NOL4: variants seen among roughly 807,000 people sequenced by gnomAD.
The protein encoded by NOL4 is nucleolar protein 4.
In NOL4, 17 loss-of-function variants were observed where a neutral mutation model predicts 75.9. That is an observed-to-expected ratio of 0.22 (90% CI 0.15 to 0.34). The LOEUF (loss-of-function observed/expected upper bound fraction) is 0.34, where lower values mean the gene tolerates loss of function less well. Ranked by LOEUF, NOL4 falls within the 10% of genes least tolerant of loss-of-function variation. The probability of loss-of-function intolerance (pLI) is 1.00; values close to 1 mark genes in which losing one functional copy is unlikely to be tolerated. For synonymous variants in NOL4, 292 were observed against 289.9 expected (o/e 1.01, Z -0.07); for missense variants, 614 against 793.5 (o/e 0.77, Z 2.72).
At chr18:33,913,830 G>C (rs1021565937) in intron 9 of NOL4, among the ~76,000 whole-genome samples, 1 of 152,078 alleles carries the variant, frequency 6.6e-6, no homozygotes, top group Non-Finnish European at 1.5e-5. Flanking sequence ...TGTGAAAAAA[G>C]CAGGTTCCTG....
chr18:34,036,539 A>G (rs140129818), intron 5 of NOL4, among the ~76,000 whole-genome samples: 19 of 152,298 alleles, frequency 1.2e-4, no homozygotes, highest in Admixed American at 6.5e-4. Flanking sequence ...TTTCCTTAAG[A>G]TATGAAACAA....
chr18:34,059,806 G>T (rs2076996021), intron 5 of NOL4, among the ~76,000 whole-genome samples: 1 of 152,136 alleles, frequency 6.6e-6, no homozygotes, highest in Non-Finnish European at 1.5e-5. Context: ...ACTATCTGCT[G>T]GAGAAACCAT....
chr18:33,994,427 T>A (rs2073135078), intron 6 of NOL4, among the ~76,000 whole-genome samples: 1 of 152,044 alleles, frequency 6.6e-6, no homozygotes, highest in Non-Finnish European at 1.5e-5. Flanking sequence ...CCAATCTTCA[T>A]GAATGCAAAT....
chr18:34,204,206 T>C (rs1440620173), intron 1 of NOL4, among the ~76,000 whole-genome samples: 1 of 152,092 alleles, frequency 6.6e-6, no homozygotes, highest in Non-Finnish European at 1.5e-5. Flanking sequence ...TTATTATGTG[T>C]AGTCTCTGCA....
At chr18:34,095,317 CAT>C (rs1254891860) in intron 4 of NOL4, among the ~76,000 whole-genome samples, 1 of 149,638 alleles carries the variant, frequency 6.7e-6, no homozygotes, top group East Asian at 2.0e-4. Context: ...TGTGGACTGA[CAT>C]TATCAGTGAT....
At chr18:34,012,672 A>G (rs941607942) in intron 6 of NOL4, among the ~76,000 whole-genome samples, 18 of 151,982 alleles carry the variant, frequency 1.2e-4, no homozygotes, top group Admixed American at 3.3e-4. Context: ...AAAGCAATAA[A>G]AGGATACTTT....
chr18:33,996,481 A>G (rs1308130562), intron 6 of NOL4, among the ~76,000 whole-genome samples: 1 of 151,838 alleles, frequency 6.6e-6, no homozygotes, highest in African/African-American at 2.4e-5. Context: ...ACAAAGGCAT[A>G]TTGCATGATG....
intron 1 of NOL4, among the ~76,000 whole-genome samples, chr18:34,165,334 T>C (rs2032195272): frequency 6.6e-6 from 1 of 152,112 alleles, no homozygotes; most frequent in Non-Finnish European, 1.5e-5. Flanking sequence ...TGGGAAATGA[T>C]CAGAACACCC....
chr18:33,930,596 A>G (rs1183122512), intron 9 of NOL4, among the ~76,000 whole-genome samples: 1 of 152,164 alleles, frequency 6.6e-6, no homozygotes, highest in Non-Finnish European at 1.5e-5. Flanking sequence ...CACTGAAACC[A>G]AAGAGCAAGT....
chr18:34,055,295 T>C (rs1389278986), intron 5 of NOL4, among the ~76,000 whole-genome samples: 1 of 152,132 alleles, frequency 6.6e-6, no homozygotes, highest in Non-Finnish European at 1.5e-5. Flanking sequence ...TCTTGTACAG[T>C]AGATCTAGTA....
chr18:34,035,777 G>A (rs1231996772), intron 5 of NOL4, among the ~76,000 whole-genome samples: 1 of 151,708 alleles, frequency 6.6e-6, no homozygotes, highest in Non-Finnish European at 1.5e-5. Context: ...AAAAAAATCA[G>A]AAATGAAAAT....
intron 9 of NOL4, among the ~76,000 whole-genome samples, chr18:33,906,133 T>C (rs1243609775): frequency 6.6e-6 from 1 of 152,124 alleles, no homozygotes; most frequent in Non-Finnish European, 1.5e-5. Flanking sequence ...AAATAACAGT[T>C]CCTTATGAAA....
At chr18:33,875,096 C>T (rs374244677) in intron 10 of NOL4, among the ~76,000 whole-genome samples, 52 of 152,078 alleles carry the variant, frequency 3.4e-4, no homozygotes, top group African/African-American at 1.1e-3. Context: ...AGTCTCCCCC[C>T]ACGGAGTTTG....
chr18:33,963,182 T>A (rs933182936), intron 6 of NOL4, among the ~76,000 whole-genome samples: 1 of 152,198 alleles, frequency 6.6e-6, no homozygotes, highest in Non-Finnish European at 1.5e-5. Flanking sequence ...ATTTAAACAC[T>A]ATAATTGTTC....
intron 1 of NOL4, among the ~76,000 whole-genome samples, chr18:34,154,790 G>T (rs1350690662): frequency 4.0e-5 from 6 of 151,726 alleles, no homozygotes; most frequent in African/African-American, 1.5e-4. Context: ...CATTCTGATT[G>T]CTCAACATTC....
At chr18:33,982,733 G>C (rs1020981017) in intron 6 of NOL4, among the ~76,000 whole-genome samples, 2 of 145,590 alleles carry the variant, frequency 1.4e-5, no homozygotes, top group African/African-American at 5.0e-5. Context: ...GGTATATCCA[G>C]ACAATGGGAT....
intron 6 of NOL4, among the ~76,000 whole-genome samples, chr18:33,971,722 G>T (rs2071079347): frequency 6.6e-6 from 1 of 152,038 alleles, no homozygotes; most frequent in Non-Finnish European, 1.5e-5. Context: ...TGCCTGCAAA[G>T]GTTCCAAGCC....
chr18:34,189,873 A>T (rs937710354), intron 1 of NOL4, among the ~76,000 whole-genome samples: 3 of 152,066 alleles, frequency 2.0e-5, no homozygotes, highest in South Asian at 4.1e-4. Context: ...TTCATTTTAA[A>T]CATCTATTTT....
At chr18:33,975,795 G>A (rs1183910442) in intron 6 of NOL4, among the ~76,000 whole-genome samples, 3 of 152,142 alleles carry the variant, frequency 2.0e-5, no homozygotes, top group Non-Finnish European at 4.4e-5. Flanking sequence ...GGCAATTGGT[G>A]AAGAAATTAA....
Sources: gnomAD v4.1 joint callset for allele counts (sites outside exome capture counted in the v4.1 genomes callset) on GRCh38, gnomAD v4.1.1 for gene constraint, MANE v1.5 for transcripts, NCBI Gene and HGNC (gene_info 2026-07-23, HGNC 2026-07-21) for gene names.